GALNT14: variants seen among roughly 807,000 people sequenced by gnomAD.
GALNT14 encodes polypeptide N-acetylgalactosaminyltransferase 14, also known as UDP-GalNAc:polypeptide N-acetylgalactosaminyltransferase 14.
Under a neutral mutation model 77.5 loss-of-function variants are expected in GALNT14, and 60 were observed. The observed-to-expected ratio is 0.77, with a 90% CI of 0.63 to 0.96. The LOEUF is 0.96. GALNT14 is among the 40% of genes least tolerant of loss of function. The pLI is 0.00. For synonymous variants in GALNT14, 280 were observed against 281.7 expected (o/e 0.99, Z 0.06); for missense variants, 710 against 731.0 (o/e 0.97, Z 0.33).
At chr2:31,123,095 C>T (rs191024584) in intron 1 of GALNT14, among the ~76,000 whole-genome samples, 31 of 145,476 alleles carry the variant, frequency 2.1e-4, no homozygotes, top group African/African-American at 7.1e-4. Flanking sequence ...GGTAGGAGGA[C>T]GGCATGAACT....
intron 1 of GALNT14, among the ~76,000 whole-genome samples, chr2:31,076,683 C>A (rs1314020159): frequency 6.7e-6 from 1 of 150,224 alleles, no homozygotes; most frequent in Non-Finnish European, 1.5e-5. Flanking sequence ...GAAACTCAAT[C>A]CATTTGAAAA....
intron 2 of GALNT14, among the ~76,000 whole-genome samples, chr2:30,975,535 G>C (rs767985008): frequency 1.3e-5 from 2 of 152,156 alleles, no homozygotes; most frequent in Admixed American, 6.5e-5. Context: ...CAAAATGTTA[G>C]TATCTGGATA....
At chr2:30,965,153 G>A (rs1356678416) in intron 3 of GALNT14, among the ~76,000 whole-genome samples, 1 of 152,068 alleles carries the variant, frequency 6.6e-6, no homozygotes, top group Admixed American at 6.5e-5. Context: ...ACTGGGACTA[G>A]CCTCTCCCTA....
At chr2:31,035,164 G>T (rs186814731) in intron 1 of GALNT14, among the ~76,000 whole-genome samples, 1 of 152,170 alleles carries the variant, frequency 6.6e-6, no homozygotes, top group East Asian at 1.9e-4. Context: ...TTGTTCTTCT[G>T]TCTAGCCATT....
Position 30,967,274 on chromosome 2 carries a change from A to C in GALNT14, c.300-972T>G, listed in dbSNP as rs1332823144. Among the ~76,000 whole-genome samples, 3 of 152,310 alleles carry C rather than the reference A, an allele frequency of 2.0e-5. 1 individual carries two copies. In the South Asian group the frequency reaches 6.2e-4, roughly 32 times the overall value. ...TTGCAAACTGTGTGTATAAATGTGC[A>C]TTTCTTTTCCCCTGGAAAGATAGTT... is the stretch of plus-strand genomic sequence containing the variant. On this transcript the variant is annotated intron_variant, in intron 2 of 14. Transcript: ENST00000349752.
At chr2:30,887,257 C>A in the GALNT14 span, among the ~76,000 whole-genome samples, 1 of 152,090 alleles carries the variant, frequency 6.6e-6, no homozygotes, top group East Asian at 1.9e-4. Flanking sequence ...ATTCCTAGGT[C>A]AAATGGTAAC....
intron 1 of GALNT14, among the ~76,000 whole-genome samples, chr2:31,037,799 G>A (rs979690813): frequency 1.3e-5 from 2 of 151,812 alleles, no homozygotes; most frequent in African/African-American, 4.8e-5. Flanking sequence ...ACTTCGCTGA[G>A]AGGCTCTGTG....
the GALNT14 span, among the ~76,000 whole-genome samples, chr2:30,887,473 T>C: frequency 2.4e-4 from 36 of 152,370 alleles, no homozygotes; most frequent in East Asian, 6.9e-3. Context: ...CAGTGATTAA[T>C]AATGTTGAGC....
intron 11 of GALNT14, 84 bp from the exon 12 acceptor site, chr2:30,924,907 G>A (rs1665275756): frequency 5.4e-6 from 6 of 1,118,010 alleles, no homozygotes; most frequent in Non-Finnish European, 8.0e-6. Context: ...TCCAGACTGA[G>A]AACACAAAGC....
At chr2:31,042,468 G>A (rs1295979723) in intron 1 of GALNT14, among the ~76,000 whole-genome samples, 1 of 152,148 alleles carries the variant, frequency 6.6e-6, no homozygotes, top group East Asian at 1.9e-4. Context: ...GACATAGTGT[G>A]GGGTCTGCAG....
chr2:30,931,653 T>C (rs772001938), intron 10 of GALNT14, among the ~76,000 whole-genome samples: 34 of 152,128 alleles, frequency 2.2e-4, no homozygotes, highest in Non-Finnish European at 4.3e-4. Context: ...CCCCATTCCC[T>C]GCATCTGCCC....
At chr2:30,956,091 C>T in intron 4 of GALNT14, 114 bp from the exon 5 acceptor site, 1 of 979,100 alleles carries the variant, frequency 1.0e-6, no homozygotes, top group South Asian at 1.4e-5. Context: ...GTCCACTGTC[C>T]CCTAACTGCA....
intron 2 of GALNT14, among the ~76,000 whole-genome samples, chr2:30,983,577 A>G (rs536987945): frequency 6.6e-6 from 1 of 152,342 alleles, no homozygotes; most frequent in East Asian, 1.9e-4. Context: ...AAGCCACACA[A>G]GGTTCTTCTT....
At chr2:30,902,840 G>A in the GALNT14 span, among the ~76,000 whole-genome samples, 4 of 152,102 alleles carry the variant, frequency 2.6e-5, no homozygotes, top group Non-Finnish European at 5.9e-5. Context: ...AGATGAGGAC[G>A]ATCCCAGGCT....
intron 1 of GALNT14, among the ~76,000 whole-genome samples, chr2:31,121,075 G>T (rs1390569808): frequency 6.6e-6 from 1 of 152,184 alleles, no homozygotes; most frequent in Non-Finnish European, 1.5e-5. Context: ...GGTCACATCA[G>T]CAGGGATGTC....
chr2:30,938,380 A>ACTCTCTCTCT (rs1488002190), intron 9 of GALNT14, among the ~76,000 whole-genome samples: 24 of 144,426 alleles, frequency 1.7e-4, no homozygotes, highest in African/African-American at 6.3e-4. Context: ...ACACACACAC[A>ACTCTCTCTCT]CACACTCTCT....
At chr2:30,901,361 C>T in the GALNT14 span, among the ~76,000 whole-genome samples, 2 of 152,210 alleles carry the variant, frequency 1.3e-5, no homozygotes, top group Non-Finnish European at 2.9e-5. Context: ...TCCCATTTCT[C>T]CCCATTCACT....
At chr2:31,125,350 T>C (rs140981178) in intron 1 of GALNT14, 14,474 of 889,060 alleles carry the variant, frequency 0.016, 213 homozygotes, top group Non-Finnish European at 0.017. Context: ...ACAAAGACTC[T>C]GTGCCCATAG....
intron 9 of GALNT14, among the ~76,000 whole-genome samples, chr2:30,941,409 G>C (rs999558324): frequency 6.6e-6 from 1 of 152,234 alleles, no homozygotes; most frequent in Non-Finnish European, 1.5e-5. Context: ...TATTATGCCT[G>C]CATGGTGCCA....
Sources: allele counts gnomAD v4.1 joint callset (sites outside exome capture counted in the v4.1 genomes callset), GRCh38; gene constraint gnomAD v4.1.1; transcripts MANE v1.5; gene names NCBI Gene and HGNC (gene_info 2026-07-23, HGNC 2026-07-21).